The following TENM3 variants were observed in gnomAD, a reference collection of about 807,000 sequenced individuals.
TENM3 encodes teneurin-3.
TENM3 carries 63 observed loss-of-function variants against 255.1 expected under a neutral mutation model. The ratio of observed to expected loss-of-function variants is 0.25; its 90% confidence interval spans 0.20 to 0.30. TENM3 has a LOEUF of 0.30. Ranked by LOEUF, TENM3 falls within the 10% of genes least tolerant of loss-of-function variation. TENM3 has a pLI of 1.00. For synonymous variants in TENM3, 1,306 were observed against 1,322.3 expected (o/e 0.99, Z 0.27); for missense variants, 2,929 against 3,461.1 (o/e 0.85, Z 3.86).
chr4:181,820,896 T>C, the TENM3 span, among the ~76,000 whole-genome samples: 1 of 152,216 alleles, frequency 6.6e-6, no homozygotes, highest in East Asian at 1.9e-4. Flanking sequence ...GTTTTAGACC[T>C]CCTTCGACAC....
the TENM3 span, among the ~76,000 whole-genome samples, chr4:182,136,259 T>C: frequency 3.6e-4 from 55 of 152,354 alleles, no homozygotes; most frequent in African/African-American, 1.2e-3. Flanking sequence ...TACTTTCTTC[T>C]AGAACCAGCT....
intron 3 of TENM3, among the ~76,000 whole-genome samples, chr4:182,498,130 A>C (rs1735974573): frequency 6.6e-6 from 1 of 152,150 alleles, no homozygotes; most frequent in African/African-American, 2.4e-5. Flanking sequence ...CTTCATTAGC[A>C]TATAGATGCC....
chr4:181,523,956 T>C, the TENM3 span, among the ~76,000 whole-genome samples: 1 of 152,180 alleles, frequency 6.6e-6, no homozygotes, highest in Non-Finnish European at 1.5e-5. Context: ...TTGGTTTCCT[T>C]TTTTTTAAGA....
At chr4:182,649,991 T>C (rs1052244180) in intron 5 of TENM3, among the ~76,000 whole-genome samples, 5 of 150,512 alleles carry the variant, frequency 3.3e-5, no homozygotes, top group African/African-American at 1.2e-4. Context: ...GCAAACTGCA[T>C]GCAAACTCTC....
chr4:182,187,344 G>C (rs1753227571), intron 1 of TENM3, among the ~76,000 whole-genome samples: 1 of 152,134 alleles, frequency 6.6e-6, no homozygotes, highest in South Asian at 2.1e-4. Flanking sequence ...ATTAAGACCA[G>C]ATGCTTTCCT....
intron 11 of TENM3, among the ~76,000 whole-genome samples, chr4:182,682,936 T>C (rs930982613): frequency 1.3e-5 from 2 of 152,196 alleles, no homozygotes; most frequent in African/African-American, 4.8e-5. Context: ...ACATGGAATA[T>C]TATGCTAAAT....
chr4:182,754,983 G>A lies in TENM3; in HGVS notation c.4616G>A (p.Gly1539Asp), dbSNP rs770758998. 1 of 1,613,966 alleles carries A rather than the reference G, an allele frequency of 6.2e-7. No individual in the cohort carries two copies. The highest frequency in any genetic ancestry group is 1.7e-5 in the Admixed American group (1 of 60,026). The stretch of plus-strand genomic sequence containing the variant: ...CAATATACTGTAAGTTTAGTCACTG[G>A]TGATTACCTTTACAATTTTAGCTAC... Reference protein sequence around the residue: ...THQYTVSLVTGDYLYNFSYSN... With the variant: ...THQYTVSLVTDDYLYNFSYSN... Residue 1539 changes from glycine (G) to aspartate (D), a missense_variant, in exon 22 of 28, where the codon GGT becomes GAT. Coordinates refer to ENST00000511685, the MANE Select transcript of TENM3 (RefSeq NM_001080477.4). This position sits in a 1 kb window ranked among gnomAD's most constrained non-coding sequence, Gnocchi z 5.1.
the TENM3 span, among the ~76,000 whole-genome samples, chr4:181,918,103 C>T: frequency 6.6e-6 from 1 of 152,212 alleles, no homozygotes; most frequent in Non-Finnish European, 1.5e-5. Flanking sequence ...TACTAACCTA[C>T]AGGAAAGCAC....
At chr4:181,858,570 T>C in the TENM3 span, among the ~76,000 whole-genome samples, 4 of 152,126 alleles carry the variant, frequency 2.6e-5, no homozygotes, top group African/African-American at 9.7e-5. Flanking sequence ...TCATGGAGCT[T>C]GAAATCTCAT....
chr4:181,762,559 G>C, the TENM3 span, among the ~76,000 whole-genome samples: 1 of 152,090 alleles, frequency 6.6e-6, no homozygotes, highest in Non-Finnish European at 1.5e-5. Flanking sequence ...TTCATTTTTG[G>C]CTCAACTAAT....
intron 3 of TENM3, among the ~76,000 whole-genome samples, chr4:182,561,152 A>G (rs1743127759): frequency 1.3e-5 from 2 of 152,304 alleles, no homozygotes; most frequent in South Asian, 4.1e-4. Context: ...ATTGAAAAAA[A>G]GACAAACTAA....
chr4:182,477,074 CCA>C (rs1331662083), intron 3 of TENM3, among the ~76,000 whole-genome samples: 5 of 152,126 alleles, frequency 3.3e-5, no homozygotes, highest in African/African-American at 1.2e-4. Flanking sequence ...AAGGATTGTG[CCA>C]CAGTTAGTAT....
the TENM3 span, among the ~76,000 whole-genome samples, chr4:181,449,432 TAA>T: frequency 6.6e-6 from 1 of 152,134 alleles, no homozygotes; most frequent in African/African-American, 2.4e-5. Context: ...AAGTGAGTAA[TAA>T]GAGTATTATA....
intron 3 of TENM3, among the ~76,000 whole-genome samples, chr4:182,486,315 T>TG (rs5864787): frequency 0.58 from 64,934 of 111,148 alleles, 17,937 homozygotes; most frequent in East Asian, 0.69. Context: ...TAATTGTGTG[T>TG]GGGGGGGAGG....
At chr4:182,009,552 G>T in the TENM3 span, among the ~76,000 whole-genome samples, 1 of 152,202 alleles carries the variant, frequency 6.6e-6, no homozygotes, top group East Asian at 1.9e-4. Context: ...CAAGTCTTGG[G>T]ACCAAGCTGT....
chr4:182,752,942 A>ATTTTTTTTTTTTTTTTTTTTT, intron 20 of TENM3, among the ~76,000 whole-genome samples: 2 of 121,724 alleles, frequency 1.6e-5, no homozygotes, highest in Non-Finnish European at 3.4e-5. Flanking sequence ...TCCTTACTGA[A>ATTTTTTTTTTTTTTTTTTTTT]TTTTTTTTTT....
At chr4:181,809,772 C>G in the TENM3 span, among the ~76,000 whole-genome samples, 2 of 152,032 alleles carry the variant, frequency 1.3e-5, no homozygotes, top group African/African-American at 4.8e-5. Context: ...CACAAGGGTC[C>G]TTATAAGCAG....
At chr4:182,574,002 AG>A in intron 3 of TENM3, among the ~76,000 whole-genome samples, 1 of 152,302 alleles carries the variant, frequency 6.6e-6, no homozygotes, top group South Asian at 2.1e-4. Flanking sequence ...AAAGGCATTT[AG>A]CTAAAAGTAT....
the TENM3 span, among the ~76,000 whole-genome samples, chr4:181,513,086 C>T: frequency 1.3e-5 from 2 of 152,006 alleles, no homozygotes; most frequent in South Asian, 2.1e-4. Flanking sequence ...AGGACATTCC[C>T]GTGGTTTACA....
Sources: allele counts gnomAD v4.1 joint callset (sites outside exome capture counted in the v4.1 genomes callset), GRCh38; gene constraint gnomAD v4.1.1; non-coding constraint Gnocchi (gnomAD v3.1); transcripts MANE v1.5; gene names NCBI Gene and HGNC (gene_info 2026-07-23, HGNC 2026-07-21).